The following GRHPR variants were observed in gnomAD, a reference collection of about 807,000 sequenced individuals.
The protein encoded by GRHPR is glyoxylate and hydroxypyruvate reductase, also known as glyoxylate reductase/hydroxypyruvate reductase.
In GRHPR, 35 loss-of-function variants were observed where a neutral mutation model predicts 36.8. That is an observed-to-expected ratio of 0.95 (90% CI 0.73 to 1.26). The LOEUF is 1.26. GRHPR is among the 50% of genes most tolerant of loss of function. The pLI, the probability that GRHPR is intolerant of heterozygous loss-of-function variation, is 0.00. For synonymous variants in GRHPR, 179 were observed against 181.0 expected, an observed-to-expected ratio of 0.99 and a Z score of 0.09; for missense variants, 380 against 435.0, an observed-to-expected ratio of 0.87 and a Z score of 1.12.
upstream of GRHPR, chr9:37,422,523 C>CCA (rs869270029): frequency 7.8e-5 from 43 of 553,032 alleles, no homozygotes; most frequent in Middle Eastern, 1.4e-3. Context: ...GCGCACCCCC[C>CCA]CACACACACA....
intron 4 of GRHPR, chr9:37,427,814 G>A (rs1823153518): frequency 6.5e-6 from 1 of 154,198 alleles, no homozygotes; most frequent in African/African-American, 2.4e-5. Flanking sequence ...CTCCAGTCTG[G>A]GCGACACAGC....
At chr9:37,437,730 G>A (rs140383846), downstream of GRHPR, among the ~76,000 whole-genome samples, 124 of 150,080 alleles carry the variant, frequency 8.3e-4, no homozygotes, top group African/African-American at 2.4e-3. Flanking sequence ...TCTCTCCAAG[G>A]TCAGGCCACA....
rs1554749639 is a variant in GRHPR at position 37,436,660 on chromosome 9, G to GTGAT, written c.867_870dup (p.Leu291AspfsTer22). The GTGAT allele has an allele frequency of 1.2e-6, 2 of 1,613,910 alleles. No homozygotes were observed. The highest frequency in any genetic ancestry group is 1.7e-6 in the Non-Finnish European group (2 of 1,179,932). ...CCTCTCTCTCTCTCTCTCCTTTCCA[G>GTGAT]TGATTCTGCCCCACATTGGCAGTGC... On this transcript the variant is annotated frameshift_variant and splice_region_variant. Coordinates refer to ENST00000318158, the MANE Select transcript of GRHPR (RefSeq NM_012203.2). LOFTEE classifies it high-confidence loss of function.
In GRHPR at chr9:37,432,016, T is replaced by A. The variant is rs796052079; in HGVS notation, c.743T>A (p.Val248Asp). 3 of 1,613,982 alleles carry A rather than the reference T, an allele frequency of 1.9e-6. No individual in the cohort carries two copies. Among genetic ancestry groups the A allele is most frequent in the East Asian group, 2.2e-5 (1 of 44,896 alleles). Residue 248 changes from valine to aspartate, a missense_variant, in exon 8 of 9, where the codon GTC becomes GAC. Physicochemically the swap from Val to Asp is radical, Grantham distance 152. Transcript: ENST00000318158. ...AVFINISRGD[V>D]VNQDDLYQAL... ...ACCACTGTCATTCCCAGGGGCGACGTCGTAAACCAGGACGACCTGTACCAG... is the reference window on the plus strand; with the variant it reads ...ACCACTGTCATTCCCAGGGGCGACGACGTAAACCAGGACGACCTGTACCAG...
At chr9:37,434,615 C>T (rs957040987) in intron 8 of GRHPR, 10 of 200,918 alleles carry the variant, frequency 5.0e-5, no homozygotes, top group Non-Finnish European at 1.0e-4. Context: ...AGTCCTTCCA[C>T]CCCTTCAGAG....
chr9:37,429,007 G>A (rs1428454232), intron 5 of GRHPR: 5 of 331,256 alleles, frequency 1.5e-5, no homozygotes, highest in Admixed American at 8.0e-5. Flanking sequence ...CTGCAGATGA[G>A]GCAGAGACAC....
Position 37,429,847 on chromosome 9 carries a change from C to T in GRHPR, c.598+11C>T. 1 of 1,447,784 alleles carries T rather than the reference C, an allele frequency of 6.9e-7. No homozygotes were observed. Among genetic ancestry groups the T allele is most frequent in the Non-Finnish European group, 9.7e-7 (1 of 1,027,920 alleles). The allele number at this position is 1,447,784 out of a possible 1,614,324, so 89.7% of individuals were successfully genotyped here. On this transcript the variant is annotated intron_variant, in intron 6 of 8. Coordinates refer to ENST00000318158, the MANE Select transcript of GRHPR (RefSeq NM_012203.2). ...TCCAGGCAGAGTTTGGTAAGTGAAG[C>T]CTTGATTTCCACAGGAGCCTATCTG... is the stretch of plus-strand genomic sequence containing the variant.
intron 8 of GRHPR, among the ~76,000 whole-genome samples, chr9:37,435,879 C>A (rs188136925): frequency 2.6e-4 from 40 of 152,276 alleles, no homozygotes; most frequent in Admixed American, 1.2e-3. Context: ...CTCAAGCGAA[C>A]CTTGCATCTC....
At chr9:37,428,730 C>T (rs967118114) in intron 5 of GRHPR, 158 bp downstream of exon 5, 9 of 706,738 alleles carry the variant, frequency 1.3e-5, no homozygotes, top group African/African-American at 1.2e-4. Context: ...TTGTAAAACA[C>T]AGGCAAATAC....
chr9:37,422,837 A>G lies in GRHPR; in HGVS notation c.83+4A>G. 1 of 1,585,632 alleles carries G rather than the reference A, an allele frequency of 6.3e-7. No homozygotes were observed. The highest frequency in any genetic ancestry group is 8.6e-7 in the Non-Finnish European group (1 of 1,166,928). On this transcript the variant is annotated splice_donor_region_variant and intron_variant, in intron 1 of 8. Transcript: ENST00000318158. ...TCGCGCTCGCCCGGGCGGCAGAGTA[A>G]GAGCCTCGCGCGCCGTGGAGGAGGG...
At chr9:37,424,500 C>G (rs543091089) in intron 1 of GRHPR, among the ~76,000 whole-genome samples, 1 of 152,268 alleles carries the variant, frequency 6.6e-6, no homozygotes, top group Admixed American at 6.5e-5. Context: ...CCAGGCCCCC[C>G]ACCTGAGGCA....
chr9:37,426,677 C>T (rs528939090), intron 4 of GRHPR, 23 bp downstream of exon 4: 18 of 1,334,882 alleles, frequency 1.3e-5, no homozygotes, highest in Admixed American at 5.0e-5. Flanking sequence ...AGACCAGGTG[C>T]GGTGGCTCAC....
Position 37,428,556 on chromosome 9 carries a change from C to T in GRHPR, c.477C>T (p.Ile159=), listed in dbSNP as rs767483014. Residue 159 remains isoleucine (I), a synonymous_variant, in exon 5 of 9, where the codon ATC becomes ATT. Transcript: ENST00000318158. ...TCACGCAGAGCACTGTCGGCATCATCGGGCTGGGGCGCATAGGTGAGGCTC... is the reference window on the plus strand; with the variant it reads ...TCACGCAGAGCACTGTCGGCATCATTGGGCTGGGGCGCATAGGTGAGGCTC... ...YGLTQSTVGI[I]GLGRIGQAIA... is the part of the protein sequence containing the mutation. The T allele has an allele frequency of 4.4e-6, 7 of 1,608,502 alleles. No individual in the cohort carries two copies. The highest frequency in any genetic ancestry group is 2.2e-5 in the South Asian group (2 of 91,028).
At chr9:37,432,341 C>A in intron 8 of GRHPR, 1 of 578,580 alleles carries the variant, frequency 1.7e-6, no homozygotes, top group Non-Finnish European at 3.2e-6. Context: ...TGCTGGGTCT[C>A]TGTCCCTAAA....
chr9:37,438,538 C>T (rs1396739827), downstream of GRHPR: 3 of 152,284 alleles, frequency 2.0e-5, no homozygotes, highest in Non-Finnish European at 4.4e-5. Flanking sequence ...ACTTATGCTT[C>T]AGCAGAGGTA....
Position 37,436,641 on chromosome 9 carries a change from T to C in GRHPR, c.866-20T>C, listed in dbSNP as rs758219739. The C allele has an allele frequency of 6.2e-7, 1 of 1,607,524 alleles. No homozygotes were observed. The highest frequency in any genetic ancestry group is 8.5e-7 in the Non-Finnish European group (1 of 1,177,540). On this transcript the variant is annotated intron_variant, in intron 8 of 8. Coordinates refer to ENST00000318158, the MANE Select transcript of GRHPR (RefSeq NM_012203.2). ...GAACCACCCTTCTTATCTCCCTCTC[T>C]CTCTCTCTCTCCTTTCCAGTGATTC...
At chr9:37,425,565 G>A (rs558134568) in intron 2 of GRHPR, among the ~76,000 whole-genome samples, 21 of 152,220 alleles carry the variant, frequency 1.4e-4, no homozygotes, top group Non-Finnish European at 2.8e-4. Flanking sequence ...AGAGGGTCAC[G>A]TCCCAGCCAC....
intron 8 of GRHPR, chr9:37,434,427 G>A (rs1823536003): frequency 3.4e-6 from 2 of 582,764 alleles, no homozygotes; most frequent in East Asian, 3.0e-5. Flanking sequence ...GGGTCAGACT[G>A]TGTAGACCAA....
At chr9:37,430,468 T>C (rs371131780) in intron 6 of GRHPR, 43 bp from the exon 7 acceptor site, 6 of 1,589,792 alleles carry the variant, frequency 3.8e-6, no homozygotes, top group Non-Finnish European at 5.2e-6. Context: ...TGGTTGTCCC[T>C]AGCCTGGGAC....
Sources: allele counts gnomAD v4.1 joint callset (sites outside exome capture counted in the v4.1 genomes callset), GRCh38; gene constraint gnomAD v4.1.1; transcripts MANE v1.5; gene names NCBI Gene and HGNC (gene_info 2026-07-23, HGNC 2026-07-21).